Variants in KCNIP4 observed in about 807,000 individuals in gnomAD.
KCNIP4 encodes Kv channel-interacting protein 4.
A neutral mutation model predicts 34.0 loss-of-function variants in KCNIP4; 12 were observed. That is an observed-to-expected ratio of 0.35 (90% CI 0.23 to 0.57). The LOEUF is 0.57. Ranked by LOEUF, KCNIP4 falls within the 20% of genes least tolerant of loss-of-function variation. The pLI is 0.83. For missense variants in KCNIP4, 238 were observed against 311.7 expected (o/e 0.76, Z 1.78); for synonymous variants, 124 against 102.2 (o/e 1.21, Z -1.29).
intron 1 of KCNIP4, among the ~76,000 whole-genome samples, chr4:21,166,544 A>G (rs1753637099): frequency 6.6e-6 from 1 of 152,210 alleles, no homozygotes; most frequent in East Asian, 1.9e-4. Flanking sequence ...TTTACTCAAG[A>G]GAACAGAAAG....
intron 1 of KCNIP4, among the ~76,000 whole-genome samples, chr4:21,499,878 T>A (rs1733169593): frequency 6.6e-6 from 1 of 152,180 alleles, no homozygotes; most frequent in South Asian, 2.1e-4. Context: ...TCCAACTGTT[T>A]ATGCACATTT....
chr4:20,809,235 G>C (rs964906158), intron 3 of KCNIP4, among the ~76,000 whole-genome samples: 5 of 152,106 alleles, frequency 3.3e-5, no homozygotes, highest in African/African-American at 1.2e-4. Context: ...ACAGATTAAG[G>C]CCAGGAAATT....
At position 21,196,688 on chromosome 4, in the gene KCNIP4, C is replaced by G. The variant is rs566803700; in HGVS notation, c.62-313979G>C. Among the ~76,000 whole-genome samples, 3 of 152,300 alleles carry G rather than the reference C, an allele frequency of 2.0e-5. No homozygotes were observed. The East Asian group carries it at 5.8e-4, about 29-fold the overall frequency. On this transcript the variant is annotated intron_variant, in intron 1 of 8. Coordinates refer to ENST00000382152, the MANE Select transcript of KCNIP4 (RefSeq NM_025221.6). The stretch of plus-strand genomic sequence containing the variant: ...AAGGAAATTATATTTTCACTTTACC[C>G]TAGGCCCTTTCTGTACTCAAATACC...
chr4:21,677,746 T>G (rs1453761264), intron 1 of KCNIP4, among the ~76,000 whole-genome samples: 6 of 152,128 alleles, frequency 3.9e-5, no homozygotes, highest in Non-Finnish European at 2.9e-5. Context: ...CTCTTCCCAC[T>G]GTTGGTATTC....
At chr4:20,769,510 C>A (rs960771226) in intron 3 of KCNIP4, among the ~76,000 whole-genome samples, 2 of 152,084 alleles carry the variant, frequency 1.3e-5, no homozygotes, top group African/African-American at 4.8e-5. Flanking sequence ...GCACCCAAAA[C>A]CATTTAGTGG....
chr4:21,713,474 A>C (rs1260676266), intron 1 of KCNIP4, among the ~76,000 whole-genome samples: 2 of 152,198 alleles, frequency 1.3e-5, no homozygotes, highest in African/African-American at 4.8e-5. Context: ...AAAAATTACT[A>C]ATACATAATA....
intron 1 of KCNIP4, among the ~76,000 whole-genome samples, chr4:21,730,939 A>C (rs1827590): frequency 0.52 from 78,313 of 151,626 alleles, 22,402 homozygotes; most frequent in East Asian, 0.78. Flanking sequence ...CTGGCAAAAC[A>C]CCATCTCTAT....
chr4:21,746,961 A>C (rs992095599), intron 1 of KCNIP4, among the ~76,000 whole-genome samples: 1 of 152,322 alleles, frequency 6.6e-6, no homozygotes, highest in East Asian at 1.9e-4. Context: ...CAGTTTTAAA[A>C]TTTCCAAAAA....
At chr4:21,247,830 C>CACAA (rs1760382505) in intron 1 of KCNIP4, among the ~76,000 whole-genome samples, 1 of 127,782 alleles carries the variant, frequency 7.8e-6, no homozygotes, top group Admixed American at 8.4e-5. Flanking sequence ...TACACACACA[C>CACAA]ACAGACACCA....
intron 1 of KCNIP4, among the ~76,000 whole-genome samples, chr4:21,205,592 A>AT (rs1251043230): frequency 6.6e-6 from 1 of 152,228 alleles, no homozygotes; most frequent in Non-Finnish European, 1.5e-5. Flanking sequence ...TCAGGACTAT[A>AT]TTTAACAAAT....
chr4:21,683,948 G>A (rs1023386928), intron 1 of KCNIP4, among the ~76,000 whole-genome samples: 2 of 151,978 alleles, frequency 1.3e-5, no homozygotes, highest in Non-Finnish European at 2.9e-5. Context: ...ACACGAAGAG[G>A]GGAACAACAG....
intron 1 of KCNIP4, among the ~76,000 whole-genome samples, chr4:20,960,623 A>G (rs577685322): frequency 1.3e-5 from 2 of 152,212 alleles, no homozygotes; most frequent in Non-Finnish European, 2.9e-5. Context: ...TCGTCCTGAG[A>G]AGGACCCCAT....
chr4:20,913,271 G>GA (rs1728500005), intron 1 of KCNIP4, among the ~76,000 whole-genome samples: 1 of 151,920 alleles, frequency 6.6e-6, no homozygotes, highest in Admixed American at 6.6e-5. Flanking sequence ...AAATAAAAAA[G>GA]AAGTCCGACT....
chr4:21,649,780 A>G (rs533790269), intron 1 of KCNIP4, among the ~76,000 whole-genome samples: 15 of 152,326 alleles, frequency 9.8e-5, no homozygotes, highest in African/African-American at 3.4e-4. Context: ...ATTTTTTTAT[A>G]CAACTCTAAA....
rs1553893353 is a variant in KCNIP4, at chr4:21,501,688, T to TTGTGTGTGTATGTGTGTGTGTGTGTG, written c.61+446882_61+446883insCACACACACACACACATACACACACA. 5.6e-3 allele frequency among the ~76,000 whole-genome samples: 715 copies of TTGTGTGTGTATGTGTGTGTGTGTGTG among 127,298 alleles called. 12 individuals carry two copies. Among genetic ancestry groups the TTGTGTGTGTATGTGTGTGTGTGTGTG allele is most frequent in the East Asian group, 0.032 (146 of 4,632 alleles). The allele number at this position is 127,298 out of a possible 152,430, so 83.5% of individuals were successfully genotyped here. A position where few individuals can be genotyped will look rare whatever the true frequency, so the allele number is the denominator to read the frequency against. On this transcript the variant is annotated intron_variant, in intron 1 of 8. Coordinates refer to ENST00000382152, the MANE Select transcript of KCNIP4 (RefSeq NM_025221.6). ...TTCACATTTTGGGAATGCAGAAGCC[T>TTGTGTGTGTATGTGTGTGTGTGTGTG]TGTGTGTGTGTGTGTGTGTGTGTGT...
At chr4:21,700,807 C>T (rs1010803561) in intron 1 of KCNIP4, among the ~76,000 whole-genome samples, 8 of 152,116 alleles carry the variant, frequency 5.3e-5, no homozygotes, top group Non-Finnish European at 1.0e-4. Flanking sequence ...TTTCATTCTT[C>T]TACATATGGT....
chr4:21,306,822 T>A (rs1326151445), intron 1 of KCNIP4, among the ~76,000 whole-genome samples: 1 of 136,112 alleles, frequency 7.3e-6, no homozygotes, highest in Non-Finnish European at 1.6e-5. Flanking sequence ...AGGCAGGAAC[T>A]TTTTTTTTTT....
chr4:20,807,519 G>C (rs569091760), intron 3 of KCNIP4, among the ~76,000 whole-genome samples: 1 of 151,996 alleles, frequency 6.6e-6, no homozygotes, highest in Non-Finnish European at 1.5e-5. Flanking sequence ...ATGCCTCAGA[G>C]ACATGTGTAC....
rs1553930263 is a variant in KCNIP4 at position 21,773,755 on chromosome 4, T to TTGTTTG, written c.61+174815_61+174816insCAAACA. 7.8e-4 allele frequency among the ~76,000 whole-genome samples: 107 copies of TTGTTTG among 137,920 alleles called. 5 individuals carry two copies. The highest frequency in any genetic ancestry group is 3.5e-3 in the African/African-American group (104 of 29,650). The allele number at this position is 137,920 out of a possible 152,430, so 90.5% of individuals were successfully genotyped here. Reference sequence around the variant, plus strand: ...CTGTTTTTTTTTGTTGTTTTTTTTTTTTTGTTTGTTTGTTTTTGTTTTGTT... The same window carrying TTGTTTG: ...CTGTTTTTTTTTGTTGTTTTTTTTTTTGTTTGTTTGTTTGTTTGTTTTTGTTTTGTT... On this transcript the variant is annotated intron_variant, in intron 1 of 8. Transcript: ENST00000382152.
Sources: gnomAD v4.1 joint callset for allele counts (sites outside exome capture counted in the v4.1 genomes callset) on GRCh38, gnomAD v4.1.1 for gene constraint, MANE v1.5 for transcripts, NCBI Gene and HGNC (gene_info 2026-07-23, HGNC 2026-07-21) for gene names.